C2CD5: variants seen among roughly 807,000 people sequenced by gnomAD.
C2CD5 encodes C2 domain-containing protein 5.
C2CD5 carries 109 observed loss-of-function variants against 130.3 expected under a neutral mutation model. The ratio of observed to expected loss-of-function variants is 0.84; its 90% CI spans 0.72 to 0.98. C2CD5 has a LOEUF of 0.98. Ranked by LOEUF, C2CD5 falls within the 50% of genes least tolerant of loss-of-function variation. The pLI, the probability that C2CD5 is intolerant of heterozygous loss-of-function variation, is 0.00. For synonymous variants in C2CD5, 454 were observed against 429.2 expected (o/e 1.06, Z -0.71); for missense variants, 996 against 1,261.8 (o/e 0.79, Z 3.19).
intron 10 of C2CD5, among the ~76,000 whole-genome samples, chr12:22,503,156 A>G (rs1053770394): frequency 1.3e-5 from 2 of 152,170 alleles, no homozygotes; most frequent in African/African-American, 4.8e-5. Context: ...TTAAAATAAG[A>G]TTTTTTCCCT....
chr12:22,463,193 C>A (rs888040974), intron 22 of C2CD5, among the ~76,000 whole-genome samples: 3 of 151,862 alleles, frequency 2.0e-5, no homozygotes, highest in Admixed American at 6.6e-5. Context: ...TCGAGACCAG[C>A]CTGACCAATA....
chr12:22,449,811 T>C lies in C2CD5; in HGVS notation c.3105A>G (p.Gln1035=). 3 of 1,610,868 alleles carry C rather than the reference T, an allele frequency of 1.9e-6. No individual in the cohort carries two copies. The highest frequency in any genetic ancestry group is 1.7e-6 in the Non-Finnish European group (2 of 1,177,644). ...ATGATGACTGGCAGTTGGTAGTAGG[T>C]TGCTGAGATGACACCACTTCTAAGT... is the stretch of plus-strand genomic sequence containing the variant. ...ESDLEVVSSQ[Q]PTTNCQSSCT... Residue 1035 remains glutamine (Q), a synonymous_variant, in exon 27 of 27, where the codon CAA becomes CAG. Transcript: ENST00000446597.
intron 15 of C2CD5, chr12:22,477,460 A>G (rs1944006419): frequency 6.6e-6 from 1 of 152,180 alleles, no homozygotes; most frequent in African/African-American, 2.4e-5. Context: ...AGACCAGCCA[A>G]AATTAGATAA....
At chr12:22,512,886 T>C (rs932992829) in intron 9 of C2CD5, among the ~76,000 whole-genome samples, 1 of 151,984 alleles carries the variant, frequency 6.6e-6, no homozygotes, top group Admixed American at 6.6e-5. Context: ...AAGAGATTGG[T>C]CAATGATAAA....
intron 7 of C2CD5, among the ~76,000 whole-genome samples, chr12:22,523,190 G>C (rs1337472814): frequency 6.6e-6 from 1 of 151,612 alleles, no homozygotes; most frequent in African/African-American, 2.4e-5. Context: ...CTCCAGCCTG[G>C]GCAACAGAGC....
At chr12:22,542,746 G>A (rs541898024) in intron 2 of C2CD5, among the ~76,000 whole-genome samples, 7 of 152,332 alleles carry the variant, frequency 4.6e-5, no homozygotes, top group African/African-American at 1.7e-4. Flanking sequence ...TGCAAGCTAT[G>A]TAACCTTAAG....
intron 2 of C2CD5, among the ~76,000 whole-genome samples, chr12:22,542,895 C>G (rs7971095): frequency 6.6e-6 from 1 of 152,158 alleles, no homozygotes; most frequent in African/African-American, 2.4e-5. Flanking sequence ...AAATTCAACA[C>G]GTTACCTATT....
At position 22,449,805 on chromosome 12, in the gene C2CD5, A is replaced by G. The variant is rs753121579; in HGVS notation, c.3111T>C (p.Thr1037=). 3.1e-6 allele frequency: 5 copies of G among 1,610,382 alleles called. No individual in the cohort carries two copies. The East Asian group carries it at 8.9e-5, about 29-fold the overall frequency. Residue 1037 remains threonine, a synonymous_variant, in exon 27 of 27, where the codon ACT becomes ACC. Transcript: ENST00000446597. ...CAGTACATGATGACTGGCAGTTGGT[A>G]GTAGGTTGCTGAGATGACACCACTT... is the stretch of plus-strand genomic sequence containing the variant. ...DLEVVSSQQP[T]TNCQSSCTEG... is the part of the protein sequence containing the mutation.
chr12:22,484,004 G>C (rs1412878780), intron 13 of C2CD5, among the ~76,000 whole-genome samples: 1 of 152,108 alleles, frequency 6.6e-6, no homozygotes, highest in African/African-American at 2.4e-5. Flanking sequence ...AAGTTGATGA[G>C]TTCAACTAAG....
At chr12:22,507,336 T>C (rs1449409255) in intron 9 of C2CD5, among the ~76,000 whole-genome samples, 1 of 152,194 alleles carries the variant, frequency 6.6e-6, no homozygotes, top group Non-Finnish European at 1.5e-5. Context: ...AAGAGGATAG[T>C]GGCAAATATC....
intron 10 of C2CD5, among the ~76,000 whole-genome samples, chr12:22,501,695 T>C (rs1029841428): frequency 7.2e-5 from 11 of 152,154 alleles, no homozygotes; most frequent in African/African-American, 2.7e-4. Context: ...TCAATCTACA[T>C]CTGTAAATGT....
At chr12:22,526,679 T>C (rs563005383) in intron 4 of C2CD5, among the ~76,000 whole-genome samples, 42 of 152,248 alleles carry the variant, frequency 2.8e-4, no homozygotes, top group Non-Finnish European at 5.7e-4. Flanking sequence ...GAGACCAGCC[T>C]GGGCAACACA....
chr12:22,524,698 A>C, intron 5 of C2CD5, 71 bp from the exon 6 acceptor site: 1 of 1,142,908 alleles, frequency 8.7e-7, no homozygotes. Context: ...TGTACATCTC[A>C]ATTTTCTGAC....
At chr12:22,495,370 A>G (rs1481350784) in intron 10 of C2CD5, among the ~76,000 whole-genome samples, 1 of 152,122 alleles carries the variant, frequency 6.6e-6, no homozygotes, top group Non-Finnish European at 1.5e-5. Context: ...AAGCTACTTA[A>G]GTTCTACATA....
At chr12:22,535,114 A>G (rs1170113285) in intron 3 of C2CD5, 144 bp downstream of exon 3, 11 of 636,268 alleles carry the variant, frequency 1.7e-5, no homozygotes, top group Middle Eastern at 4.1e-4. Flanking sequence ...TTTTAGACTC[A>G]ATATTCCTAG....
In C2CD5 at chr12:22,484,867, T is replaced by G; in HGVS notation, c.1380A>C (p.Thr460=). The G allele has an allele frequency of 6.5e-7, 1 of 1,547,630 alleles. No individual in the cohort carries two copies. Among genetic ancestry groups the G allele is most frequent in the Non-Finnish European group, 8.7e-7 (1 of 1,148,332 alleles). Residue 460 remains threonine (T), a synonymous_variant, in exon 13 of 27, where the codon ACA becomes ACC. Coordinates refer to ENST00000446597, the MANE Select transcript of C2CD5 (RefSeq NM_001286176.2). ...ATGGTATATGACAAAATCCACAACG[T>G]GTAGGCAAATTTTCTTCAAGCCTAT... is the stretch of plus-strand genomic sequence containing the variant. ...LEQRLEENLP[T]RCGFCHIPYD...
chr12:22,480,171 C>T (rs1023567031), intron 14 of C2CD5, among the ~76,000 whole-genome samples: 2 of 152,200 alleles, frequency 1.3e-5, no homozygotes, highest in Non-Finnish European at 2.9e-5. Context: ...TAGCTCCACT[C>T]ATTAACGAAG....
intron 10 of C2CD5, among the ~76,000 whole-genome samples, chr12:22,505,254 CTTTT>C (rs371726014): frequency 2.8e-5 from 3 of 106,326 alleles, no homozygotes; most frequent in Admixed American, 9.0e-5. Context: ...TTCTTTCTTT[CTTTT>C]TTTTTTTTTT....
chr12:22,499,620 C>G (rs1322156304), intron 10 of C2CD5, among the ~76,000 whole-genome samples: 2 of 152,198 alleles, frequency 1.3e-5, no homozygotes, highest in Non-Finnish European at 2.9e-5. Context: ...CTCCCTGTCT[C>G]TAGTCTTATT....
Sources: allele counts gnomAD v4.1 joint callset (sites outside exome capture counted in the v4.1 genomes callset), GRCh38; gene constraint gnomAD v4.1.1; transcripts MANE v1.5; gene names NCBI Gene and HGNC (gene_info 2026-07-23, HGNC 2026-07-21).